ST3GAL2: variants seen among roughly 807,000 people sequenced by gnomAD.
ST3GAL2 encodes the protein ST3 beta-galactoside alpha-2,3-sialyltransferase 2.
ST3GAL2 carries 16 observed loss-of-function variants against 37.5 expected under a neutral mutation model. The observed-to-expected ratio is 0.43, with a 90% CI of 0.29 to 0.65. ST3GAL2 has a LOEUF of 0.65. Ranked by LOEUF, ST3GAL2 falls within the 30% of genes least tolerant of loss-of-function variation. The probability of loss-of-function intolerance (pLI) is 0.17; values close to 1 mark genes in which losing one functional copy is unlikely to be tolerated. For missense variants in ST3GAL2, 383 were observed against 487.8 expected (o/e 0.79, Z 2.02); for synonymous variants, 238 against 202.9 (o/e 1.17, Z -1.47).
At chr16:70,391,693 G>A (rs954221562) in intron 3 of ST3GAL2, among the ~76,000 whole-genome samples, 1 of 152,222 alleles carries the variant, frequency 6.6e-6, no homozygotes, top group African/African-American at 2.4e-5. Flanking sequence ...GGGGTAGGCA[G>A]GGGGTAGAGG....
chr16:70,388,371 G>A lies in ST3GAL2; in HGVS notation c.709C>T (p.Arg237Ter), dbSNP rs1567666303. The change falls in exon 4 of 7, where the codon CGA becomes TGA. Residue 237 changes from arginine to a stop codon, truncating the protein, a stop_gained. Transcript: ENST00000342907. LOFTEE classifies it high-confidence loss of function. Reference sequence around the variant, plus strand: ...CCAGGCCAGCAAGAAGCTCACAATCGGATCTGCCCCGTGGACAAGGCGCTG... The same window carrying A: ...CCAGGCCAGCAAGAAGCTCACAATCAGATCTGCCCCGTGGACAAGGCGCTG... Reference protein sequence around the residue: ...IASALSTGQIRFTYAPVKSFL... With the variant: ...IASALSTGQI The A allele has an allele frequency of 6.2e-7, 1 of 1,614,084 alleles. No homozygotes were observed. Among genetic ancestry groups the A allele is most frequent in the Non-Finnish European group, 8.5e-7 (1 of 1,180,010 alleles).
intron 4 of ST3GAL2, among the ~76,000 whole-genome samples, chr16:70,385,483 T>C (rs1448765865): frequency 6.6e-6 from 1 of 152,042 alleles, no homozygotes; most frequent in Non-Finnish European, 1.5e-5. Context: ...AATGTGAATA[T>C]ACTTAATGTT....
rs866073305 is a variant in ST3GAL2 at position 70,382,711 on chromosome 16, G to C, written c.879+94C>G. On this transcript the variant is annotated intron_variant, in intron 6 of 6. Coordinates refer to ENST00000342907, the MANE Select transcript of ST3GAL2 (RefSeq NM_006927.4). The stretch of plus-strand genomic sequence containing the variant: ...CAAGGCCACATGGATTCTGCCTACA[G>C]AAGCACATTCCTCTGTTAGCCTGCT... 11 of 1,570,268 alleles carry C rather than the reference G, an allele frequency of 7.0e-6. No homozygotes were observed. The Middle Eastern group carries it at 5.5e-4, about 79-fold the overall frequency.
intron 4 of ST3GAL2, among the ~76,000 whole-genome samples, chr16:70,387,563 AT>A (rs1324673586): frequency 3.3e-5 from 5 of 152,180 alleles, no homozygotes; most frequent in African/African-American, 4.8e-5. Context: ...TCAAAAAAAA[AT>A]AAAATTAAAA....
intron 1 of ST3GAL2, among the ~76,000 whole-genome samples, chr16:70,431,423 G>C (rs1246851102): frequency 6.6e-6 from 1 of 152,206 alleles, no homozygotes; most frequent in Non-Finnish European, 1.5e-5. Flanking sequence ...CAACACCTCA[G>C]GGTCCCCTCT....
At chr16:70,435,487 A>G (rs776694975) in intron 1 of ST3GAL2, among the ~76,000 whole-genome samples, 21 of 152,168 alleles carry the variant, frequency 1.4e-4, no homozygotes, top group Admixed American at 2.0e-4. Context: ...AATCCCAGCT[A>G]CTTGGGAGGC....
chr16:70,405,358 G>C (rs1278331653), intron 1 of ST3GAL2, among the ~76,000 whole-genome samples: 1 of 151,706 alleles, frequency 6.6e-6, no homozygotes, highest in Non-Finnish European at 1.5e-5. Flanking sequence ...TGGTTAACAT[G>C]GTGAAACCCC....
In ST3GAL2 at chr16:70,432,778, C is replaced by T. The variant is rs1483269099; in HGVS notation, c.-1004+6171G>A. Among the ~76,000 whole-genome samples, 3 of 152,176 alleles carry T rather than the reference C, an allele frequency of 2.0e-5. No individual in the cohort carries two copies. In the East Asian group the frequency reaches 5.8e-4, roughly 29 times the overall value. On this transcript the variant is annotated intron_variant, in intron 1 of 6. Transcript: ENST00000342907. Reference sequence around the variant, plus strand: ...GAAAACTCGGTCTCAGAAAGCAGGGCCAGGCCCTTTAGTTGGTAAGGACTC... The same window carrying T: ...GAAAACTCGGTCTCAGAAAGCAGGGTCAGGCCCTTTAGTTGGTAAGGACTC...
chr16:70,410,039 T>C (rs58684580), intron 1 of ST3GAL2, among the ~76,000 whole-genome samples: 13,633 of 151,596 alleles, frequency 0.09, 732 homozygotes, highest in African/African-American at 0.14. Context: ...AGAGCTGAGA[T>C]TGCAGATATG....
chr16:70,422,132 C>G (rs947742022), intron 1 of ST3GAL2, among the ~76,000 whole-genome samples: 2 of 152,272 alleles, frequency 1.3e-5, no homozygotes, highest in South Asian at 2.1e-4. Flanking sequence ...ACTGGCTGTG[C>G]TCAATAGCAG....
chr16:70,415,520 G>C (rs899041760), intron 1 of ST3GAL2, among the ~76,000 whole-genome samples: 1 of 148,250 alleles, frequency 6.7e-6, no homozygotes, highest in Admixed American at 6.6e-5. Context: ...CAACCCCAGG[G>C]TGTTTCTCTC....
At chr16:70,417,445 G>A (rs1387305116) in intron 1 of ST3GAL2, among the ~76,000 whole-genome samples, 2 of 152,130 alleles carry the variant, frequency 1.3e-5, no homozygotes, top group African/African-American at 2.4e-5. Flanking sequence ...AGAGGACGGT[G>A]CGCGTCCATC....
intron 1 of ST3GAL2, among the ~76,000 whole-genome samples, chr16:70,403,123 T>C (rs930202561): frequency 2.7e-5 from 4 of 149,238 alleles, no homozygotes; most frequent in African/African-American, 1.0e-4. Flanking sequence ...AAAGGAACTG[T>C]TGCAATATCC....
chr16:70,406,675 G>A (rs972313494), intron 1 of ST3GAL2, among the ~76,000 whole-genome samples: 2 of 152,062 alleles, frequency 1.3e-5, no homozygotes, highest in Admixed American at 6.5e-5. Context: ...CCGCTACTTC[G>A]GAGGCTGAGG....
intron 1 of ST3GAL2, among the ~76,000 whole-genome samples, chr16:70,417,420 G>GC (rs1218650964): frequency 7.9e-5 from 12 of 151,934 alleles, no homozygotes; most frequent in Admixed American, 7.9e-4. Context: ...GTTGATCCTT[G>GC]CCCCTAGACC....
chr16:70,394,736 G>A (rs989657210), intron 3 of ST3GAL2, among the ~76,000 whole-genome samples: 33 of 152,188 alleles, frequency 2.2e-4, no homozygotes, highest in Non-Finnish European at 1.6e-4. Context: ...TCTTTCCAGA[G>A]GAATTCAGAG....
Position 70,398,486 on chromosome 16 carries a change from C to G in ST3GAL2, c.45G>C (p.Leu15=). Residue 15 remains leucine, a synonymous_variant, in exon 2 of 7, where the codon CTG becomes CTC. Coordinates refer to ENST00000342907, the MANE Select transcript of ST3GAL2 (RefSeq NM_006927.4). The part of the protein sequence containing the change: ...LRVWFLSVAF[L]LVFIMSLLFT... ...AGAGCAGGGACATGATGAACACCAG[C>G]AGGAAGGCCACGGAGAGGAACCACA... 1 of 1,613,028 alleles carries G rather than the reference C, an allele frequency of 6.2e-7. No homozygotes were observed.
intron 1 of ST3GAL2, among the ~76,000 whole-genome samples, chr16:70,434,207 G>A (rs1282755138): frequency 6.6e-6 from 1 of 152,184 alleles, no homozygotes; most frequent in Non-Finnish European, 1.5e-5. Flanking sequence ...GGGAGGCCGA[G>A]GCAGGCGGAT....
Position 70,398,424 on chromosome 16 carries a change from T to C in ST3GAL2, c.107A>G (p.Tyr36Cys), listed in dbSNP as rs768134387. The stretch of plus-strand genomic sequence containing the variant: ...CCCATCCAGGGCCCCTGAGTCCAGG[T>C]AGGGGAGCGTGGCCATGCTGTGGTG... ...YSHHSMATLP[Y>C]LDSGALDGTH... Residue 36 changes from tyrosine (Y) to cysteine (C), a missense_variant, in exon 2 of 7, where the codon TAC becomes TGC. Coordinates refer to ENST00000342907, the MANE Select transcript of ST3GAL2 (RefSeq NM_006927.4). The C allele has an allele frequency of 6.2e-7, 1 of 1,613,510 alleles. No homozygotes were observed. Among genetic ancestry groups the C allele is most frequent in the Admixed American group, 1.7e-5 (1 of 60,014 alleles).
Sources: gnomAD v4.1 joint callset for allele counts (sites outside exome capture counted in the v4.1 genomes callset) on GRCh38, gnomAD v4.1.1 for gene constraint, MANE v1.5 for transcripts, NCBI Gene and HGNC (gene_info 2026-07-23, HGNC 2026-07-21) for gene names.